Variants in DIP2B observed in about 807,000 individuals in gnomAD.
DIP2B encodes DIP2 acetate--CoA ligase B (putative), also known as disco-interacting protein 2 homolog B.
A neutral mutation model predicts 198.0 loss-of-function variants in DIP2B; 76 were observed. The ratio of observed to expected loss-of-function variants is 0.38; its 90% CI spans 0.32 to 0.46. The LOEUF (loss-of-function observed/expected upper bound fraction) is 0.46, where lower values mean the gene tolerates loss of function less well. Ranked by LOEUF, DIP2B falls within the 20% of genes least tolerant of loss-of-function variation. The pLI is 0.99. For synonymous variants in DIP2B, 701 were observed against 739.1 expected (o/e 0.95, Z 0.84); for missense variants, 1,559 against 1,978.4 (o/e 0.79, Z 4.02).
rs1385971893 is a variant in DIP2B at position 50,630,774 on chromosome 12, C to T, written c.172+4727C>T. Among the ~76,000 whole-genome samples the T allele has an allele frequency of 3.4e-5, 5 of 147,340 alleles. No individual in the cohort carries two copies. In the South Asian group the frequency reaches 6.4e-4, roughly 19 times the overall value. ...GCAACCTCCGCCTCCCCAGTTCAAG[C>T]GATTATCCTGCCTCAGCCTCCTGCG... is the stretch of plus-strand genomic sequence containing the variant. On this transcript the variant is annotated intron_variant, in intron 2 of 37. Transcript: ENST00000301180.
At chr12:50,560,260 T>C (rs923872558) in intron 1 of DIP2B, among the ~76,000 whole-genome samples, 19 of 151,850 alleles carry the variant, frequency 1.3e-4, no homozygotes, top group African/African-American at 4.6e-4. Flanking sequence ...CCGGGTGTGG[T>C]GGCATGCACC....
intron 1 of DIP2B, among the ~76,000 whole-genome samples, chr12:50,552,217 T>A (rs1285203107): frequency 6.6e-6 from 1 of 152,148 alleles, no homozygotes; most frequent in Non-Finnish European, 1.5e-5. Context: ...GTTCAGATCC[T>A]TTGCCCGTTT....
At chr12:50,684,702 G>C (rs528070521) in intron 10 of DIP2B, among the ~76,000 whole-genome samples, 1 of 152,190 alleles carries the variant, frequency 6.6e-6, no homozygotes, top group African/African-American at 2.4e-5. Context: ...TGAGGCAGGA[G>C]AATCGCTTGA....
intron 1 of DIP2B, among the ~76,000 whole-genome samples, chr12:50,552,165 C>G (rs1958432099): frequency 6.6e-6 from 1 of 151,990 alleles, no homozygotes; most frequent in African/African-American, 2.4e-5. Context: ...TGATGTTGAG[C>G]ATCTTTTCAT....
rs1331917345 is a variant in DIP2B, at chr12:50,510,950, T to TC, written c.100+5710_100+5711insC. On this transcript the variant is annotated intron_variant, in intron 1 of 37. Transcript: ENST00000301180. The stretch of plus-strand genomic sequence containing the variant: ...ATGAGCCACTGCGCCTGGCTTTCTT[T>TC]TTTTTTTTTTTTTGAGACGGAGTCT... Among the ~76,000 whole-genome samples the TC allele has an allele frequency of 6.8e-5, 10 of 146,958 alleles. No homozygotes were observed. In the East Asian group the frequency reaches 1.4e-3, roughly 21 times the overall value.
chr12:50,599,146 G>A (rs759418945), intron 1 of DIP2B, among the ~76,000 whole-genome samples: 1 of 149,588 alleles, frequency 6.7e-6, no homozygotes, highest in African/African-American at 2.5e-5. Context: ...ACAGAAATTA[G>A]CAGGGCATGG....
intron 3 of DIP2B, among the ~76,000 whole-genome samples, chr12:50,654,447 T>C (rs1467800929): frequency 6.6e-6 from 1 of 151,632 alleles, no homozygotes; most frequent in Non-Finnish European, 1.5e-5. Context: ...CTCGACCTCC[T>C]GTGCTCAAGT....
intron 2 of DIP2B, among the ~76,000 whole-genome samples, chr12:50,629,272 G>A (rs993629924): frequency 7.2e-5 from 11 of 152,086 alleles, no homozygotes; most frequent in African/African-American, 2.4e-4. Flanking sequence ...GATTTCTCAA[G>A]TTAAGGACCA....
Position 50,505,191 on chromosome 12 carries a change from G to C in DIP2B, c.51G>C (p.Pro17=). Residue 17 remains proline, a synonymous_variant, in exon 1 of 38, where the codon CCG becomes CCC. Transcript: ENST00000301180. ...EPSPAAVAAL[P]PEVRAQLAEL... The stretch of plus-strand genomic sequence containing the variant: ...CGCCGGCCGCGGTGGCGGCGCTGCC[G>C]CCTGAAGTGCGGGCGCAGCTGGCGG... 1 of 1,524,568 alleles carries C rather than the reference G, an allele frequency of 6.6e-7. No individual in the cohort carries two copies. The highest frequency in any genetic ancestry group is 1.2e-5 in the South Asian group (1 of 83,388). 94.4% of individuals were successfully genotyped at this position (1,524,568 alleles called of 1,614,324 possible). A position where few individuals can be genotyped will look rare whatever the true frequency, so the allele number is the denominator to read the frequency against.
rs375814034 is a variant in DIP2B at position 50,682,452 on chromosome 12, AC to A, written c.1207-682del. ...AGACCATCCTGGCTAACACGGTGAA[AC>A]CCCATCTCTACTAAAAATATTAAAA... is the stretch of plus-strand genomic sequence containing the variant. On this transcript the variant is annotated intron_variant, in intron 9 of 37. Coordinates refer to ENST00000301180, the MANE Select transcript of DIP2B (RefSeq NM_173602.3). Among the ~76,000 whole-genome samples, 589 of 151,748 alleles carry A rather than the reference AC, an allele frequency of 3.9e-3. 5 individuals carry two copies. Among genetic ancestry groups the A allele is most frequent in the African/African-American group, 0.013 (552 of 41,392 alleles).
intron 19 of DIP2B, among the ~76,000 whole-genome samples, chr12:50,702,758 AGG>A (rs1939443863): frequency 7.3e-6 from 1 of 137,436 alleles, no homozygotes; most frequent in Non-Finnish European, 1.6e-5. Context: ...AAAAAAAAAA[AGG>A]AGGGGTGGGG....
intron 1 of DIP2B, among the ~76,000 whole-genome samples, chr12:50,557,527 A>G (rs1283851761): frequency 6.6e-6 from 1 of 152,230 alleles, no homozygotes; most frequent in Admixed American, 6.5e-5. Context: ...CAACAGTGGC[A>G]GGGCCTTCCT....
intron 1 of DIP2B, among the ~76,000 whole-genome samples, chr12:50,557,021 A>G (rs765216075): frequency 4.6e-5 from 7 of 151,620 alleles, no homozygotes; most frequent in Non-Finnish European, 8.8e-5. Context: ...ATTTTTTTGT[A>G]TTTTTAATGA....
At chr12:50,602,573 A>AT (rs1958946335) in intron 1 of DIP2B, among the ~76,000 whole-genome samples, 1 of 152,192 alleles carries the variant, frequency 6.6e-6, no homozygotes, top group African/African-American at 2.4e-5. Flanking sequence ...AAAATTTAAT[A>AT]TTTAGGGGGC....
At position 50,706,523 on chromosome 12, in the gene DIP2B, A is replaced by G. The variant is rs1427543564; in HGVS notation, c.2407-15A>G. ...TAAATCATGGAAATCAAGGTAAATC[A>G]TCATTACCTTTCAGGGTAGTTTGGT... On this transcript the variant is annotated splice_polypyrimidine_tract_variant and intron_variant, in intron 20 of 37. Coordinates refer to ENST00000301180, the MANE Select transcript of DIP2B (RefSeq NM_173602.3). The G allele has an allele frequency of 1.2e-6, 2 of 1,613,290 alleles. No individual in the cohort carries two copies. The highest frequency in any genetic ancestry group is 1.7e-5 in the Admixed American group (1 of 59,964).
At chr12:50,575,087 A>G (rs946664491) in intron 1 of DIP2B, among the ~76,000 whole-genome samples, 3 of 152,038 alleles carry the variant, frequency 2.0e-5, no homozygotes, top group Admixed American at 2.0e-4. Flanking sequence ...GCATGATTAT[A>G]GCTAACTTTC....
At chr12:50,675,180 C>T (rs1372972059) in intron 6 of DIP2B, 149 bp from the exon 7 acceptor site, 1 of 832,984 alleles carries the variant, frequency 1.2e-6, no homozygotes, top group African/African-American at 1.7e-5. Flanking sequence ...TGTCATAAAA[C>T]TTGTTGTGTA....
intron 19 of DIP2B, among the ~76,000 whole-genome samples, chr12:50,699,983 C>T (rs994829547): frequency 1.4e-4 from 21 of 151,854 alleles, no homozygotes; most frequent in Admixed American, 1.2e-3. Flanking sequence ...AATTTAATTT[C>T]GAGAGTAAAC....
chr12:50,533,720 C>T (rs552772467), intron 1 of DIP2B, among the ~76,000 whole-genome samples: 3 of 151,950 alleles, frequency 2.0e-5, no homozygotes, highest in South Asian at 2.1e-4. Context: ...GCAATCCTCC[C>T]GCCTCAGCCT....
Sources: allele counts gnomAD v4.1 joint callset (sites outside exome capture counted in the v4.1 genomes callset), GRCh38; gene constraint gnomAD v4.1.1; transcripts MANE v1.5; gene names NCBI Gene and HGNC (gene_info 2026-07-23, HGNC 2026-07-21).